Variants in LYRM4 observed in about 807,000 individuals in gnomAD.
LYRM4 encodes LYR motif containing 4, also known as LYR motif-containing protein 4.
In LYRM4, 9 loss-of-function variants were observed where a neutral mutation model predicts 11.7. That is an observed-to-expected ratio of 0.77 (90% CI 0.46 to 1.34). The LOEUF is 1.34. LYRM4 is among the 40% of genes most tolerant of loss of function. The pLI is 0.00. For missense variants in LYRM4, 133 were observed against 112.5 expected (o/e 1.18, Z -0.82); for synonymous variants, 42 against 40.4 (o/e 1.04, Z -0.15).
intron 2 of LYRM4, among the ~76,000 whole-genome samples, chr6:5,118,828 A>G (rs458108): frequency 0.94 from 142,880 of 152,322 alleles, 67,140 homozygotes; most frequent in African/African-American, 0.99. Flanking sequence ...ACCCCATGGT[A>G]TTCCTCTAAA....
intron 2 of LYRM4, among the ~76,000 whole-genome samples, chr6:5,155,712 C>G (rs2127646414): frequency 6.6e-6 from 1 of 152,318 alleles, no homozygotes; most frequent in Non-Finnish European, 1.5e-5. Context: ...TTCTTGGCAG[C>G]AAAACGTATG....
In LYRM4 at chr6:5,224,439, T is replaced by C. The variant is rs1190653100; in HGVS notation, c.87-7701A>G. Among the ~76,000 whole-genome samples the C allele has an allele frequency of 2.0e-5, 3 of 152,348 alleles. No individual in the cohort carries two copies. The East Asian group carries it at 5.8e-4, about 29-fold the overall frequency. ...CCCTGCTGGTGTGAGCACGGACTGG[T>C]ACTTCCTGTGAAGAAAACAGTATAC... is the stretch of plus-strand genomic sequence containing the variant. On this transcript the variant is annotated intron_variant, in intron 1 of 2. Coordinates refer to ENST00000330636, the MANE Select transcript of LYRM4 (RefSeq NM_020408.6).
intron 2 of LYRM4, among the ~76,000 whole-genome samples, chr6:5,121,431 C>G (rs1187708039): frequency 6.6e-6 from 1 of 152,198 alleles, no homozygotes; most frequent in Non-Finnish European, 1.5e-5. Context: ...ACGGCTACCT[C>G]CCCGACCCCT....
intron 2 of LYRM4, among the ~76,000 whole-genome samples, chr6:5,157,965 A>G (rs1758514075): frequency 6.6e-6 from 1 of 152,222 alleles, no homozygotes; most frequent in Admixed American, 6.5e-5. Flanking sequence ...TGAAAAGAGG[A>G]TGCAGGACTT....
At chr6:5,119,964 G>C (rs1232483778) in intron 2 of LYRM4, among the ~76,000 whole-genome samples, 1 of 151,608 alleles carries the variant, frequency 6.6e-6, no homozygotes, top group Non-Finnish European at 1.5e-5. Flanking sequence ...GCATGATCTC[G>C]GCTCACTGCA....
At chr6:5,206,701 G>A (rs1445087074) in intron 2 of LYRM4, among the ~76,000 whole-genome samples, 7 of 152,126 alleles carry the variant, frequency 4.6e-5, no homozygotes, top group Non-Finnish European at 8.8e-5. Flanking sequence ...CGGGAGGAGT[G>A]GGGAGAAGAG....
At chr6:5,057,070 C>G in the LYRM4 span, among the ~76,000 whole-genome samples, 44 of 152,228 alleles carry the variant, frequency 2.9e-4, no homozygotes, top group Admixed American at 2.0e-3. Flanking sequence ...TTAAGTGATA[C>G]GGGTAGGGCT....
rs557988127 is a variant in LYRM4, at chr6:5,151,771, C to A, written c.208-42280G>T. 2.0e-5 allele frequency among the ~76,000 whole-genome samples: 3 copies of A among 152,266 alleles called. No individual in the cohort carries two copies. The South Asian group carries it at 6.2e-4, about 32-fold the overall frequency. Reference sequence around the variant, plus strand: ...ATCTATAAAGTGGGATAATAAAATCCACCTCACCGGATTACTGTCATAATT... The same window carrying A: ...ATCTATAAAGTGGGATAATAAAATCAACCTCACCGGATTACTGTCATAATT... On this transcript the variant is annotated intron_variant, in intron 2 of 2. Transcript: ENST00000330636.
At chr6:5,037,634 G>T in the LYRM4 span, among the ~76,000 whole-genome samples, 1 of 61,742 alleles carries the variant, frequency 1.6e-5, no homozygotes, top group Non-Finnish European at 4.0e-5. Flanking sequence ...TGGCCGGGCG[G>T]GGGGCTGATC....
intron 2 of LYRM4, among the ~76,000 whole-genome samples, chr6:5,194,767 A>G (rs561790203): frequency 6.6e-6 from 1 of 152,344 alleles, no homozygotes; most frequent in Non-Finnish European, 1.5e-5. Context: ...TCTGTTGTCC[A>G]GGCTGGAGTG....
chr6:5,056,612 T>G, the LYRM4 span, among the ~76,000 whole-genome samples: 3 of 152,260 alleles, frequency 2.0e-5, no homozygotes, highest in African/African-American at 7.2e-5. Context: ...AACAATCACA[T>G]TTGTTTCAAT....
chr6:5,045,907 C>T, the LYRM4 span, among the ~76,000 whole-genome samples: 2 of 152,268 alleles, frequency 1.3e-5, no homozygotes, highest in Non-Finnish European at 2.9e-5. Context: ...TTCTGCTGCC[C>T]CTTTGGGCTT....
At chr6:5,054,650 C>G in the LYRM4 span, among the ~76,000 whole-genome samples, 1 of 152,106 alleles carries the variant, frequency 6.6e-6, no homozygotes, top group African/African-American at 2.4e-5. Context: ...CCAAAAAATA[C>G]CTGAAAAACC....
intron 1 of LYRM4, among the ~76,000 whole-genome samples, chr6:5,228,231 A>C (rs1763011262): frequency 6.6e-6 from 1 of 152,228 alleles, no homozygotes; most frequent in South Asian, 2.1e-4. Flanking sequence ...GGAGGTAGTC[A>C]TAAATAATAA....
At chr6:5,090,839 A>G in the LYRM4 span, among the ~76,000 whole-genome samples, 1 of 152,088 alleles carries the variant, frequency 6.6e-6, no homozygotes, top group Non-Finnish European at 1.5e-5. This position sits in a 1 kb window ranked among gnomAD's most constrained non-coding sequence, Gnocchi z 4.8. Context: ...AACGGTTTCT[A>G]TTTTAGTAGG....
chr6:5,196,876 T>C (rs1333892374), intron 2 of LYRM4, among the ~76,000 whole-genome samples: 1 of 152,232 alleles, frequency 6.6e-6, no homozygotes, highest in African/African-American at 2.4e-5. Context: ...CTGTAACCTC[T>C]GAAGCTATCT....
chr6:5,059,198 AG>A, the LYRM4 span, among the ~76,000 whole-genome samples: 9 of 152,190 alleles, frequency 5.9e-5, no homozygotes, highest in South Asian at 1.9e-3. Context: ...AAAATTAACC[AG>A]GTGTGGTGGC....
the LYRM4 span, chr6:5,085,684 C>A: frequency 6.5e-7 from 1 of 1,548,210 alleles, no homozygotes; most frequent in Non-Finnish European, 8.7e-7. Context: ...AGAGGCCGCC[C>A]CCCAGGAGCA....
the LYRM4 span, among the ~76,000 whole-genome samples, chr6:5,090,899 T>C: frequency 6.6e-6 from 1 of 152,222 alleles, no homozygotes; most frequent in Admixed American, 6.5e-5. The surrounding 1 kb of genome is among the most constrained non-coding windows in gnomAD (Gnocchi z 4.8). Context: ...TGGAGCACTG[T>C]GGCTTGGAGC....
Sources: allele counts gnomAD v4.1 joint callset (sites outside exome capture counted in the v4.1 genomes callset), GRCh38; gene constraint gnomAD v4.1.1; non-coding constraint Gnocchi (gnomAD v3.1); transcripts MANE v1.5; gene names NCBI Gene and HGNC (gene_info 2026-07-23, HGNC 2026-07-21).